Variants in TMEM163 observed in about 807,000 individuals in gnomAD.
The protein encoded by TMEM163 is transmembrane protein 163.
Under a neutral mutation model 29.3 loss-of-function variants are expected in TMEM163, and 17 were observed. That is an observed-to-expected ratio of 0.58 (90% CI 0.40 to 0.87). The LOEUF is 0.87. Among genes scored for constraint, TMEM163 ranks in the 40% least tolerant of loss-of-function variants. TMEM163 has a pLI of 0.00. For missense variants in TMEM163, 303 were observed against 381.5 expected, an observed-to-expected ratio of 0.79 and a Z score of 1.71; for synonymous variants, 157 against 160.6, an observed-to-expected ratio of 0.98 and a Z score of 0.17.
At chr2:134,710,653 A>C (rs1684905668) in intron 2 of TMEM163, among the ~76,000 whole-genome samples, 1 of 151,646 alleles carries the variant, frequency 6.6e-6, no homozygotes. Flanking sequence ...AAAAAAAAAA[A>C]GTGTTAAAAA....
At chr2:134,510,025 G>C (rs1326678135) in intron 4 of TMEM163, among the ~76,000 whole-genome samples, 1 of 152,120 alleles carries the variant, frequency 6.6e-6, no homozygotes, top group African/African-American at 2.4e-5. Flanking sequence ...TTGGCCCCAG[G>C]GGAGCAGCAA....
intron 2 of TMEM163, among the ~76,000 whole-genome samples, chr2:134,570,928 A>G (rs1225913837): frequency 6.6e-6 from 1 of 152,228 alleles, no homozygotes; most frequent in East Asian, 1.9e-4. Context: ...CTGGCCAGTT[A>G]CATTCTGAAA....
chr2:134,633,966 CATATATATATAT>C (rs535811215), intron 2 of TMEM163, among the ~76,000 whole-genome samples: 1,793 of 37,290 alleles, frequency 0.048, 47 homozygotes, highest in Non-Finnish European at 0.092. Flanking sequence ...AAAAAAAATA[CATATATATATAT>C]ATATATATAT....
At chr2:134,711,178 C>A (rs1230122242) in intron 2 of TMEM163, among the ~76,000 whole-genome samples, 4 of 152,132 alleles carry the variant, frequency 2.6e-5, no homozygotes, top group African/African-American at 9.7e-5. Flanking sequence ...AGTCTGGCGC[C>A]ATATAAATGA....
intron 2 of TMEM163, among the ~76,000 whole-genome samples, chr2:134,622,832 G>A (rs1045270549): frequency 6.6e-5 from 10 of 151,750 alleles, no homozygotes; most frequent in African/African-American, 2.2e-4. Context: ...ACACGATCTC[G>A]GCTCACTGCA....
chr2:134,525,811 C>G (rs1304486012), intron 4 of TMEM163, among the ~76,000 whole-genome samples: 1 of 152,224 alleles, frequency 6.6e-6, no homozygotes, highest in African/African-American at 2.4e-5. Flanking sequence ...GAGGGCATCT[C>G]TCCTGCATCA....
At chr2:134,565,581 G>A (rs1681283434) in intron 2 of TMEM163, among the ~76,000 whole-genome samples, 1 of 151,704 alleles carries the variant, frequency 6.6e-6, no homozygotes, top group African/African-American at 2.4e-5. Flanking sequence ...ACTCCAGCCT[G>A]AGCGACTGAG....
intron 4 of TMEM163, among the ~76,000 whole-genome samples, chr2:134,522,503 T>C (rs978669578): frequency 3.3e-5 from 5 of 152,242 alleles, no homozygotes; most frequent in African/African-American, 4.8e-5. Flanking sequence ...GGCCTGTGGA[T>C]TCATGGACTG....
intron 2 of TMEM163, among the ~76,000 whole-genome samples, chr2:134,641,903 CA>C (rs895006664): frequency 2.6e-5 from 4 of 151,924 alleles, no homozygotes; most frequent in Non-Finnish European, 5.9e-5. Flanking sequence ...ACCATGTCAA[CA>C]AGAATCAAAA....
At chr2:134,561,897 A>T (rs1292824605) in intron 2 of TMEM163, among the ~76,000 whole-genome samples, 1 of 152,262 alleles carries the variant, frequency 6.6e-6, no homozygotes, top group Non-Finnish European at 1.5e-5. Context: ...CTGGGGATAC[A>T]GCAGTTGCTT....
intron 6 of TMEM163, among the ~76,000 whole-genome samples, chr2:134,464,240 G>A (rs1253850214): frequency 6.6e-6 from 1 of 152,110 alleles, no homozygotes; most frequent in Non-Finnish European, 1.5e-5. Flanking sequence ...GACACAGCAG[G>A]GGCCACCTTC....
intron 2 of TMEM163, among the ~76,000 whole-genome samples, chr2:134,596,861 T>C (rs556462263): frequency 6.6e-6 from 1 of 152,342 alleles, no homozygotes; most frequent in African/African-American, 2.4e-5. Context: ...AGGTATTTTA[T>C]TCTCTTTGAA....
chr2:134,536,986 A>G (rs140773877), intron 4 of TMEM163, among the ~76,000 whole-genome samples: 1 of 152,338 alleles, frequency 6.6e-6, no homozygotes, highest in African/African-American at 2.4e-5. Context: ...GTCTGCTAGG[A>G]AAACACAAAA....
intron 2 of TMEM163, among the ~76,000 whole-genome samples, chr2:134,556,396 A>G (rs1273961575): frequency 6.6e-6 from 1 of 152,242 alleles, no homozygotes; most frequent in Non-Finnish European, 1.5e-5. Flanking sequence ...CAAAAGGTTC[A>G]TAATAGGTTC....
chr2:134,560,892 C>G (rs1317376871), intron 2 of TMEM163, among the ~76,000 whole-genome samples: 1 of 152,154 alleles, frequency 6.6e-6, no homozygotes, highest in African/African-American at 2.4e-5. Flanking sequence ...CAGGGAGAGA[C>G]CTGGGTTTCA....
intron 2 of TMEM163, among the ~76,000 whole-genome samples, chr2:134,628,050 G>A (rs1241455121): frequency 6.6e-6 from 1 of 152,124 alleles, no homozygotes; most frequent in Admixed American, 6.6e-5. Context: ...AAAATGTGGG[G>A]AAATGTCAAC....
chr2:134,485,326 G>A (rs980220090), intron 5 of TMEM163, among the ~76,000 whole-genome samples: 1 of 152,196 alleles, frequency 6.6e-6, no homozygotes, highest in Admixed American at 6.5e-5. Flanking sequence ...GTGAAAAACA[G>A]AATGGTTACA....
chr2:134,525,364 C>T (rs1044798630), intron 4 of TMEM163, among the ~76,000 whole-genome samples: 8 of 152,142 alleles, frequency 5.3e-5, no homozygotes, highest in African/African-American at 1.7e-4. Flanking sequence ...TGAGCAGCAC[C>T]GCGTTAAATG....
intron 2 of TMEM163, among the ~76,000 whole-genome samples, chr2:134,585,482 G>T (rs1389548095): frequency 6.6e-6 from 1 of 152,138 alleles, no homozygotes; most frequent in African/African-American, 2.4e-5. Flanking sequence ...GGTGGCTCAC[G>T]CCTGTAATCC....
Sources: gnomAD v4.1 joint callset for allele counts (sites outside exome capture counted in the v4.1 genomes callset) on GRCh38, gnomAD v4.1.1 for gene constraint, MANE v1.5 for transcripts, NCBI Gene and HGNC (gene_info 2026-07-23, HGNC 2026-07-21) for gene names.